Variants in MYO16 observed in about 807,000 individuals in gnomAD.
The protein encoded by MYO16 is unconventional myosin-XVI.
Under a neutral mutation model 205.3 loss-of-function variants are expected in MYO16, and 94 were observed. The observed-to-expected ratio is 0.46, with a 90% CI of 0.39 to 0.54. MYO16 has a LOEUF of 0.54. Ranked by LOEUF, MYO16 falls within the 20% of genes least tolerant of loss-of-function variation. The pLI, the probability that MYO16 is intolerant of heterozygous loss-of-function variation, is 0.00. For synonymous variants in MYO16, 988 were observed against 954.0 expected (o/e 1.04, Z -0.66); for missense variants, 2,315 against 2,387.5 (o/e 0.97, Z 0.63).
At chr13:108,920,441 C>T (rs1230016101) in intron 16 of MYO16, among the ~76,000 whole-genome samples, 1 of 151,028 alleles carries the variant, frequency 6.6e-6, no homozygotes, top group Non-Finnish European at 1.5e-5. Flanking sequence ...CCTGTCATCT[C>T]TTTCTGTCTC....
intron 20 of MYO16, among the ~76,000 whole-genome samples, chr13:108,975,742 T>C (rs1884232048): frequency 6.6e-6 from 1 of 152,186 alleles, no homozygotes; most frequent in African/African-American, 2.4e-5. Flanking sequence ...TTGGGAAATA[T>C]TTTAATGAAA....
At position 108,665,914 on chromosome 13, in the gene MYO16, A is replaced by T. The variant is rs1881702388; in HGVS notation, c.57A>T (p.Arg19=). 1 of 1,613,812 alleles carries T rather than the reference A, an allele frequency of 6.2e-7. No homozygotes were observed. Among genetic ancestry groups the T allele is most frequent in the African/African-American group, 1.3e-5 (1 of 74,890 alleles). ...GCTTTCAGCTATGTAACGTTTTTCG[A>T]TCCCATGAGATGGAAATCGACCAGT... ...CCCFQLCNVF[R]SHEMEIDQCL... The change falls in exon 2 of 35, where the codon CGA becomes CGT. Residue 19 remains arginine (R), a synonymous_variant. Coordinates refer to ENST00000457511, the MANE Select transcript of MYO16 (RefSeq NM_001198950.3).
chr13:109,034,231 A>T (rs929305279), intron 23 of MYO16, among the ~76,000 whole-genome samples: 1 of 152,222 alleles, frequency 6.6e-6, no homozygotes, highest in Non-Finnish European at 1.5e-5. Flanking sequence ...CTTTTAGTAC[A>T]TTCCAAATTT....
chr13:108,505,712 T>G, the MYO16 span, among the ~76,000 whole-genome samples: 9 of 152,328 alleles, frequency 5.9e-5, no homozygotes, highest in East Asian at 1.5e-3. Flanking sequence ...TTGTTGCCTG[T>G]GCTTTTGGTG....
intron 3 of MYO16, among the ~76,000 whole-genome samples, chr13:108,720,863 A>G (rs1214802379): frequency 6.6e-6 from 1 of 152,100 alleles, no homozygotes; most frequent in East Asian, 1.9e-4. Context: ...TTCAGACTTG[A>G]TGTGTGATTT....
At chr13:108,827,507 A>G (rs1163936441) in intron 9 of MYO16, among the ~76,000 whole-genome samples, 1 of 152,086 alleles carries the variant, frequency 6.6e-6, no homozygotes, top group Non-Finnish European at 1.5e-5. Context: ...ATTATCCCAT[A>G]TTTCACGTTT....
At chr13:108,710,479 G>A (rs1883677327) in intron 2 of MYO16, among the ~76,000 whole-genome samples, 1 of 152,124 alleles carries the variant, frequency 6.6e-6, no homozygotes, top group Non-Finnish European at 1.5e-5. Flanking sequence ...TTAAAGTGTG[G>A]ATTCTATGAT....
chr13:108,798,688 ATTTTTTTTTTTTTT>A (rs35432777), intron 6 of MYO16, among the ~76,000 whole-genome samples: 3 of 70,350 alleles, frequency 4.3e-5, no homozygotes, highest in African/African-American at 6.0e-5. Flanking sequence ...CCCGAGGCTT[ATTTTTTTTTTTTTT>A]TTTTTTTTTT....
chr13:109,009,006 A>C lies in MYO16; in HGVS notation c.2552A>C (p.Tyr851Ser). Residue 851 changes from tyrosine (Y) to serine (S), a missense_variant, in exon 22 of 35, where the codon TAT becomes TCT. Transcript: ENST00000457511. ...VQEGVTMETA[Y>S]SPGNQNGVLD... ...GAGGGAGTTACCATGGAAACAGCAT[A>C]TTCTCCTGGTAACCAGAATGGAGTT... The C allele has an allele frequency of 6.2e-7, 1 of 1,607,462 alleles. No homozygotes were observed.
chr13:108,625,285 G>A (rs529484318), upstream of MYO16, among the ~76,000 whole-genome samples: 1 of 152,226 alleles, frequency 6.6e-6, no homozygotes, highest in African/African-American at 2.4e-5. Flanking sequence ...CCAAAATCAG[G>A]AACAACCTCC....
At chr13:108,600,551 G>T (rs1481716547) in intron 1 of MYO16, among the ~76,000 whole-genome samples, 1 of 151,914 alleles carries the variant, frequency 6.6e-6, no homozygotes, top group Non-Finnish European at 1.5e-5. Context: ...TACTACTATA[G>T]AATTTACTAC....
chr13:108,898,612 C>T (rs982817128), intron 15 of MYO16, among the ~76,000 whole-genome samples: 1 of 152,014 alleles, frequency 6.6e-6, no homozygotes, highest in Admixed American at 6.6e-5. Context: ...AATTTCTTCA[C>T]ATAATACACA....
intron 1 of MYO16, among the ~76,000 whole-genome samples, chr13:108,635,260 G>C (rs1318456891): frequency 1.3e-5 from 2 of 152,072 alleles, no homozygotes; most frequent in African/African-American, 4.8e-5. Flanking sequence ...ACCCGGAAAC[G>C]TGCCTTCCTC....
Position 108,707,724 on chromosome 13 carries a change from C to T in MYO16, c.293-4937C>T, listed in dbSNP as rs563618967. On this transcript the variant is annotated intron_variant, in intron 2 of 34. Coordinates refer to ENST00000457511, the MANE Select transcript of MYO16 (RefSeq NM_001198950.3). The stretch of plus-strand genomic sequence containing the variant: ...CTAATTCTGTCTCTTCCAAATGAGG[C>T]GTTCAGAGGTAATTTCCTGAGATTG... 9.2e-5 allele frequency among the ~76,000 whole-genome samples: 14 copies of T among 152,270 alleles called. No individual in the cohort carries two copies. In the East Asian group the frequency reaches 1.4e-3, roughly 15 times the overall value.
chr13:108,844,545 G>T, intron 10 of MYO16, 52 bp downstream of exon 10: 1 of 1,494,770 alleles, frequency 6.7e-7, no homozygotes. Context: ...ATCAAGTAAT[G>T]TATTATAAAA....
At chr13:108,739,322 G>A (rs1216539786) in intron 4 of MYO16, among the ~76,000 whole-genome samples, 1 of 152,050 alleles carries the variant, frequency 6.6e-6, no homozygotes, top group Non-Finnish European at 1.5e-5. Context: ...GCTCTTGTAG[G>A]GCAGACCTGG....
chr13:109,013,565 A>G (rs551557227), intron 22 of MYO16, among the ~76,000 whole-genome samples: 10 of 152,188 alleles, frequency 6.6e-5, no homozygotes, highest in Non-Finnish European at 1.2e-4. Context: ...TGGTTGAACT[A>G]GTTTACACTC....
intron 28 of MYO16, among the ~76,000 whole-genome samples, chr13:109,104,775 C>A (rs575775571): frequency 6.6e-6 from 1 of 152,052 alleles, no homozygotes; most frequent in African/African-American, 2.4e-5. Context: ...TAGGCTATTC[C>A]GCAGATCCAC....
intron 19 of MYO16, among the ~76,000 whole-genome samples, chr13:108,964,184 C>A (rs1883699920): frequency 6.6e-6 from 1 of 152,182 alleles, no homozygotes; most frequent in South Asian, 2.1e-4. Flanking sequence ...AGGCTCAATG[C>A]CAAACCACCC....
Sources: gnomAD v4.1 joint callset for allele counts (sites outside exome capture counted in the v4.1 genomes callset) on GRCh38, gnomAD v4.1.1 for gene constraint, MANE v1.5 for transcripts, NCBI Gene and HGNC (gene_info 2026-07-23, HGNC 2026-07-21) for gene names.